The following DLGAP2 variants were observed in gnomAD, a reference collection of about 807,000 sequenced individuals.
The protein encoded by DLGAP2 is DLG associated protein 2.
A neutral mutation model predicts 100.3 loss-of-function variants in DLGAP2; 26 were observed. That is an observed-to-expected ratio of 0.26 (90% CI 0.19 to 0.36). DLGAP2 has a LOEUF of 0.36. Ranked by LOEUF, DLGAP2 falls within the 10% of genes least tolerant of loss-of-function variation. The pLI, the probability that DLGAP2 is intolerant of heterozygous loss-of-function variation, is 1.00. For missense variants in DLGAP2, 1,858 were observed against 1,453.2 expected (o/e 1.28, Z -4.53); for synonymous variants, 886 against 630.1 (o/e 1.41, Z -6.08).
At chr8:907,764 A>G in intron 1 of DLGAP2, 148 bp from the exon 2 acceptor site, 1 of 390,094 alleles carries the variant, frequency 2.6e-6, no homozygotes, top group East Asian at 3.6e-5. Flanking sequence ...ATTTTTCTGT[A>G]CCGTTTAATT....
intron 3 of DLGAP2, among the ~76,000 whole-genome samples, chr8:1,294,314 T>G (rs1164387050): frequency 6.6e-6 from 1 of 152,190 alleles, no homozygotes; most frequent in Admixed American, 6.5e-5. Flanking sequence ...AAAAATGCCA[T>G]GTTCACATTA....
At chr8:1,201,227 G>A (rs1180507139) in intron 2 of DLGAP2, among the ~76,000 whole-genome samples, 1 of 152,194 alleles carries the variant, frequency 6.6e-6, no homozygotes, top group Non-Finnish European at 1.5e-5. Context: ...AACCAGGGGT[G>A]CATGCACGCG....
At chr8:1,266,204 C>T (rs992078059) in intron 3 of DLGAP2, among the ~76,000 whole-genome samples, 2 of 152,218 alleles carry the variant, frequency 1.3e-5, no homozygotes, top group South Asian at 4.1e-4. Flanking sequence ...AAAGGGGGTT[C>T]TTGCCAAGTT....
intron 2 of DLGAP2, among the ~76,000 whole-genome samples, chr8:1,175,073 A>ATTATTCTAGGATT (rs930091606): frequency 5.9e-5 from 9 of 152,176 alleles, no homozygotes; most frequent in Admixed American, 3.3e-4. Context: ...TTCCAATAAA[A>ATTATTCTAGGATT]TTATTCTAGG....
At chr8:1,505,798 A>G (rs1022093323) in intron 4 of DLGAP2, among the ~76,000 whole-genome samples, 2 of 152,126 alleles carry the variant, frequency 1.3e-5, no homozygotes, top group African/African-American at 4.8e-5. Context: ...TTATGACGTT[A>G]CTTCTAAGAA....
intron 1 of DLGAP2, among the ~76,000 whole-genome samples, chr8:835,501 C>T (rs1005181933): frequency 9.2e-5 from 14 of 151,440 alleles, no homozygotes; most frequent in Non-Finnish European, 1.8e-4. Context: ...ATCCTCCTCT[C>T]CCATCTTGAC....
At chr8:1,113,610 G>C (rs57702908) in intron 2 of DLGAP2, among the ~76,000 whole-genome samples, 5,416 of 152,182 alleles carry the variant, frequency 0.036, 302 homozygotes, top group African/African-American at 0.12. Flanking sequence ...CCAAGACTGG[G>C]GTTTTCTAGA....
intron 2 of DLGAP2, among the ~76,000 whole-genome samples, chr8:1,210,486 C>T (rs188979920): frequency 2.1e-4 from 32 of 152,284 alleles, no homozygotes; most frequent in Non-Finnish European, 4.3e-4. Flanking sequence ...GGGCTCAAGC[C>T]CTGAGGCGGG....
chr8:864,883 C>G (rs1166915279), intron 1 of DLGAP2, among the ~76,000 whole-genome samples: 1 of 152,132 alleles, frequency 6.6e-6, no homozygotes, highest in Non-Finnish European at 1.5e-5. Flanking sequence ...AATTATAAGA[C>G]AAATTATACA....
At chr8:1,137,872 T>A (rs1322050441) in intron 2 of DLGAP2, 1 of 152,218 alleles carries the variant, frequency 6.6e-6, no homozygotes, top group East Asian at 1.9e-4. Flanking sequence ...CTCACTGCAA[T>A]CTCTGCCTCC....
intron 2 of DLGAP2, chr8:927,005 C>A (rs961839581): frequency 2.1e-5 from 21 of 984,996 alleles, no homozygotes; most frequent in Non-Finnish European, 8.4e-6. Flanking sequence ...GAGGACCCCC[C>A]GCCGAGAAAG....
chr8:973,092 C>T (rs1462721488), intron 2 of DLGAP2, among the ~76,000 whole-genome samples: 2 of 152,250 alleles, frequency 1.3e-5, no homozygotes, highest in African/African-American at 2.4e-5. Flanking sequence ...TCGACAAAAC[C>T]GCCATCGTCA....
chr8:1,476,639 G>A (rs559364240), intron 3 of DLGAP2, among the ~76,000 whole-genome samples: 1 of 152,222 alleles, frequency 6.6e-6, no homozygotes, highest in South Asian at 2.1e-4. Context: ...CCTGGAGCCG[G>A]ACCCACCCGT....
At chr8:742,849 T>C (rs1010771831) in intron 1 of DLGAP2, among the ~76,000 whole-genome samples, 5 of 152,176 alleles carry the variant, frequency 3.3e-5, no homozygotes, top group African/African-American at 1.2e-4. Context: ...TTCAGTTTTC[T>C]CATCACTAAG....
intron 2 of DLGAP2, among the ~76,000 whole-genome samples, chr8:1,196,008 C>T (rs925986499): frequency 3.9e-5 from 6 of 152,190 alleles, no homozygotes; most frequent in Admixed American, 2.0e-4. Context: ...CGTTCGTGAG[C>T]AGAGTTAAGC....
intron 2 of DLGAP2, among the ~76,000 whole-genome samples, chr8:1,037,246 C>G (rs1231670537): frequency 6.6e-6 from 1 of 152,204 alleles, no homozygotes; most frequent in Non-Finnish European, 1.5e-5. Flanking sequence ...TTTCCACCTT[C>G]CCTCGGGCCT....
chr8:906,035 C>T (rs562030829), intron 1 of DLGAP2, among the ~76,000 whole-genome samples: 4 of 152,368 alleles, frequency 2.6e-5, no homozygotes, highest in Non-Finnish European at 5.9e-5. Flanking sequence ...TAGTCTGGAG[C>T]TAACCGTCGG....
chr8:1,100,714 C>A (rs548541723), intron 2 of DLGAP2, among the ~76,000 whole-genome samples: 1 of 152,280 alleles, frequency 6.6e-6, no homozygotes, highest in African/African-American at 2.4e-5. Context: ...CATTTCAGCT[C>A]CTTTTGACTT....
In DLGAP2 at chr8:1,683,954, G is replaced by GTATATATA. The variant is rs59220880; in HGVS notation, c.2704+5352_2704+5359dup. ...TATATATGTGTATATATATATGTGT[G>GTATATATA]TATATATATATATATATATATATAT... On this transcript the variant is annotated intron_variant, in intron 12 of 14. Coordinates refer to ENST00000637795, the MANE Select transcript of DLGAP2 (RefSeq NM_001346810.2). 3.8e-3 allele frequency among the ~76,000 whole-genome samples: 287 copies of GTATATATA among 74,712 alleles called. 2 individuals carry two copies. The highest frequency in any genetic ancestry group is 0.014 in the East Asian group (31 of 2,236). The allele number at this position is 74,712 out of a possible 152,430, so 49.0% of individuals were successfully genotyped here. A position where few individuals can be genotyped will look rare whatever the true frequency, so the allele number is the denominator to read the frequency against.
Sources: gnomAD v4.1 joint callset for allele counts (sites outside exome capture counted in the v4.1 genomes callset) on GRCh38, gnomAD v4.1.1 for gene constraint, MANE v1.5 for transcripts, NCBI Gene and HGNC (gene_info 2026-07-23, HGNC 2026-07-21) for gene names.